Variants in SERPINB13 observed in about 807,000 individuals in gnomAD.
SERPINB13 encodes the protein serpin B13.
In SERPINB13, 26 loss-of-function variants were observed where a neutral mutation model predicts 31.2. The ratio of observed to expected loss-of-function variants is 0.83; its 90% CI spans 0.61 to 1.15. The LOEUF is 1.15. SERPINB13 is among the 50% of genes most tolerant of loss of function. The pLI is 0.00. For synonymous variants in SERPINB13, 191 were observed against 172.4 expected, an observed-to-expected ratio of 1.11 and a Z score of -0.85; for missense variants, 510 against 469.4, an observed-to-expected ratio of 1.09 and a Z score of -0.80.
At chr18:63,591,404 T>C (rs1911843798) in intron 3 of SERPINB13, among the ~76,000 whole-genome samples, 1 of 119,888 alleles carries the variant, frequency 8.3e-6, no homozygotes, top group Non-Finnish European at 2.0e-5. Context: ...TCCTTCCTTT[T>C]TTCTTTCCTT....
At chr18:63,592,584 C>T (rs1568145687) in intron 4 of SERPINB13, 108 bp downstream of exon 4, 2 of 1,131,668 alleles carry the variant, frequency 1.8e-6, no homozygotes, top group East Asian at 4.8e-5. Context: ...TGGCCACATC[C>T]CTGTGGTGCT....
At chr18:63,590,611 T>A (rs1449098452) in intron 3 of SERPINB13, among the ~76,000 whole-genome samples, 2 of 152,210 alleles carry the variant, frequency 1.3e-5, no homozygotes, top group African/African-American at 2.4e-5. Flanking sequence ...CAGAGCACAT[T>A]CTTTCTCAGC....
rs945457016 is a variant in SERPINB13, at chr18:63,598,305, G to T, written c.*942G>T. Reference sequence around the variant, plus strand: ...TTTGTCAAACTACAATTTACATGCCGTAAAATGTACACACTGTAATTTTAT... The same window carrying T: ...TTTGTCAAACTACAATTTACATGCCTTAAAATGTACACACTGTAATTTTAT... On this transcript the variant is annotated 3_prime_UTR_variant, in exon 8 of 8. Transcript: ENST00000344731. 2.0e-5 allele frequency: 3 copies of T among 151,988 alleles called. No individual in the cohort carries two copies. The highest frequency in any genetic ancestry group is 4.4e-5 in the Non-Finnish European group (3 of 67,982). The allele number at this position is 151,988 out of a possible 1,614,324, so 9.4% of individuals were successfully genotyped here.
In SERPINB13 at chr18:63,588,696, G is replaced by A; in HGVS notation, c.29G>A (p.Arg10Gln). The part of the protein sequence containing the change: MDSLGAVST[R>Q]LGFDLFKELK... Reference sequence around the variant, plus strand: ...GATTCACTTGGCGCCGTCAGCACTCGACTTGGGTTTGATCTTTTCAAAGAG... The same window carrying A: ...GATTCACTTGGCGCCGTCAGCACTCAACTTGGGTTTGATCTTTTCAAAGAG... Residue 10 changes from arginine to glutamine, a missense_variant, in exon 2 of 8, where the codon CGA becomes CAA. Arg to Gln is a conservative substitution (Grantham distance 43, BLOSUM62 1). Coordinates refer to ENST00000344731, the MANE Select transcript of SERPINB13 (RefSeq NM_012397.4). The A allele has an allele frequency of 6.2e-7, 1 of 1,614,170 alleles. No homozygotes were observed. The highest frequency in any genetic ancestry group is 8.5e-7 in the Non-Finnish European group (1 of 1,180,006).
At chr18:63,589,854 A>G (rs1911748202) in intron 3 of SERPINB13, 139 bp downstream of exon 3, 2 of 1,478,672 alleles carry the variant, frequency 1.4e-6, no homozygotes, top group African/African-American at 2.8e-5. Context: ...ACTATTAAGC[A>G]ATAATAATCA....
intron 6 of SERPINB13, 42 bp from the exon 7 acceptor site, chr18:63,594,987 C>A: frequency 6.4e-7 from 1 of 1,563,638 alleles, no homozygotes; most frequent in South Asian, 1.2e-5. Context: ...TGCCTTTGGT[C>A]TTATGTCCTT....
intron 5 of SERPINB13, 124 bp from the exon 6 acceptor site, chr18:63,594,231 G>A (rs1461545928): frequency 3.2e-6 from 5 of 1,549,970 alleles, no homozygotes; most frequent in Non-Finnish European, 4.4e-6. Flanking sequence ...TGTCAGCAAG[G>A]CCCTCAGGTG....
chr18:63,595,103 C>T lies in SERPINB13; in HGVS notation c.690C>T (p.Ala230=). ...TCACTTTCCTGGAGGACTTGCAGGC[C>T]AAAATTCTAGGGATTCCATATAAAA... ...FSFTFLEDLQ[A]KILGIPYKNN... The change falls in exon 7 of 8, where the codon GCC becomes GCT. Residue 230 remains alanine (A), a synonymous_variant. Transcript: ENST00000344731. The T allele has an allele frequency of 6.2e-7, 1 of 1,613,950 alleles. No individual in the cohort carries two copies. Among genetic ancestry groups the T allele is most frequent in the Non-Finnish European group, 8.5e-7 (1 of 1,179,912 alleles).
At chr18:63,589,451 T>TCACACACA (rs112829867) in intron 2 of SERPINB13, among the ~76,000 whole-genome samples, 3,516 of 111,864 alleles carry the variant, frequency 0.031, 92 homozygotes, top group African/African-American at 0.07. Context: ...CAAAACTCCA[T>TCACACACA]CACACACACA....
chr18:63,597,301 T>C lies in SERPINB13; in HGVS notation c.1114T>C (p.Phe372Leu). Reference sequence around the variant, plus strand: ...TGTTCACTGCAATCATCCCTTCCTGTTCTTCATCAGGCACAATGAATCCAA... The same window carrying C: ...TGTTCACTGCAATCATCCCTTCCTGCTCTTCATCAGGCACAATGAATCCAA... ...ENVHCNHPFLFFIRHNESNSI... is the reference protein window; with the variant it reads ...ENVHCNHPFLLFIRHNESNSI... The change falls in exon 8 of 8, where the codon TTC (phenylalanine) becomes CTC (leucine). Residue 372 changes from phenylalanine to leucine, a missense_variant. Physicochemically the swap from Phe to Leu is conservative, Grantham distance 22. Coordinates refer to ENST00000344731, the MANE Select transcript of SERPINB13 (RefSeq NM_012397.4). The C allele has an allele frequency of 3.1e-6, 5 of 1,614,174 alleles. No homozygotes were observed. The highest frequency in any genetic ancestry group is 4.2e-6 in the Non-Finnish European group (5 of 1,180,038).
At chr18:63,588,065 T>C (rs1407778005) in intron 1 of SERPINB13, among the ~76,000 whole-genome samples, 2 of 152,200 alleles carry the variant, frequency 1.3e-5, no homozygotes, top group Non-Finnish European at 2.9e-5. Context: ...GTCAAGTTTG[T>C]ATGCAGTTAG....
intron 5 of SERPINB13, among the ~76,000 whole-genome samples, chr18:63,593,176 G>A (rs1429457947): frequency 1.3e-5 from 2 of 152,136 alleles, no homozygotes; most frequent in Non-Finnish European, 2.9e-5. Context: ...GGTAGGGAAG[G>A]CACTGCAGAT....
At chr18:63,591,899 T>G (rs919648956) in intron 3 of SERPINB13, among the ~76,000 whole-genome samples, 4 of 152,206 alleles carry the variant, frequency 2.6e-5, no homozygotes, top group African/African-American at 9.6e-5. Context: ...TTCAGCCCAA[T>G]GTGTAGTGAC....
Position 63,588,834 on chromosome 18 carries a change from T to C in SERPINB13, c.165+2T>C, listed in dbSNP as rs765659719. ...GCCACCGCTTCCCAGTTGGAGGAGGTTGGGCGCAGTCAGGGGGCTTCCTTG... is the reference window on the plus strand; with the variant it reads ...GCCACCGCTTCCCAGTTGGAGGAGGCTGGGCGCAGTCAGGGGGCTTCCTTG... On this transcript the variant is annotated splice_donor_variant, in intron 2 of 7. Coordinates refer to ENST00000344731, the MANE Select transcript of SERPINB13 (RefSeq NM_012397.4). LOFTEE classifies it high-confidence loss of function. The C allele has an allele frequency of 6.2e-7, 1 of 1,613,060 alleles. No individual in the cohort carries two copies. The highest frequency in any genetic ancestry group is 1.1e-5 in the South Asian group (1 of 91,008).
intron 6 of SERPINB13, 139 bp downstream of exon 6, chr18:63,594,636 C>A: frequency 1.2e-6 from 1 of 863,624 alleles, no homozygotes; most frequent in Non-Finnish European, 1.8e-6. Context: ...ATCAAGGGAT[C>A]GAGACTATCC....
rs572557428 is a variant in SERPINB13, at chr18:63,597,743, C to T, written c.*380C>T. ...TCTGGTATTTTGACATGTTATAATA[C>T]GCAAGTAAAATAAAACAATAGTTTA... On this transcript the variant is annotated 3_prime_UTR_variant, in exon 8 of 8. Transcript: ENST00000344731. 3 of 166,414 alleles carry T rather than the reference C, an allele frequency of 1.8e-5. No individual in the cohort carries two copies. The highest frequency in any genetic ancestry group is 1.7e-4 in the South Asian group (1 of 5,754). 10.3% of individuals were successfully genotyped at this position (166,414 alleles called of 1,614,324 possible).
At position 63,597,574 on chromosome 18, in the gene SERPINB13, G is replaced by A. The variant is rs937770483; in HGVS notation, c.*211G>A. On this transcript the variant is annotated 3_prime_UTR_variant, in exon 8 of 8. Coordinates refer to ENST00000344731, the MANE Select transcript of SERPINB13 (RefSeq NM_012397.4). ...TCCTTTTCTTTGTGCCATGCGTAAG[G>A]TGAGTCAAACCAAACCTCATTGATA... 1.3e-5 allele frequency: 7 copies of A among 552,010 alleles called. No homozygotes were observed. The highest frequency in any genetic ancestry group is 2.7e-5 in the South Asian group (1 of 37,598). 34.2% of individuals were successfully genotyped at this position (552,010 alleles called of 1,614,324 possible).
At position 63,598,678 on chromosome 18, in the gene SERPINB13, G is replaced by A. The variant is rs906206934; in HGVS notation, c.*1315G>A. On this transcript the variant is annotated 3_prime_UTR_variant, in exon 8 of 8. Coordinates refer to ENST00000344731, the MANE Select transcript of SERPINB13 (RefSeq NM_012397.4). ...TCACCAGTTGAGGGACATTTGGATT[G>A]TTCCCACTTCTTGGCTGTTAGGAAT... The A allele has an allele frequency of 6.6e-6, 1 of 152,090 alleles. No individual in the cohort carries two copies. Among genetic ancestry groups the A allele is most frequent in the Admixed American group, 6.6e-5 (1 of 15,262 alleles). The allele number at this position is 152,090 out of a possible 1,614,324, so 9.4% of individuals were successfully genotyped here. A position where few individuals can be genotyped will look rare whatever the true frequency, so the allele number is the denominator to read the frequency against.
intron 5 of SERPINB13, chr18:63,593,957 C>T: frequency 2.1e-6 from 1 of 472,492 alleles, no homozygotes; most frequent in South Asian, 1.6e-5. Context: ...ATTCTAATAG[C>T]TTTACATGTG....
Sources: gnomAD v4.1 joint callset for allele counts (sites outside exome capture counted in the v4.1 genomes callset) on GRCh38, gnomAD v4.1.1 for gene constraint, MANE v1.5 for transcripts, NCBI Gene and HGNC (gene_info 2026-07-23, HGNC 2026-07-21) for gene names.